Variants in KLF15 observed in about 807,000 individuals in gnomAD.
The protein encoded by KLF15 is Krueppel-like factor 15.
In KLF15, 4 loss-of-function variants were observed where a neutral mutation model predicts 24.6. The observed-to-expected ratio is 0.16, with a 90% CI of 0.08 to 0.37. The LOEUF (loss-of-function observed/expected upper bound fraction) is 0.37. Among genes scored for constraint, KLF15 ranks in the 10% least tolerant of loss-of-function variants. KLF15 has a pLI of 1.00. For synonymous variants in KLF15, 246 were observed against 236.3 expected, an observed-to-expected ratio of 1.04 and a Z score of -0.37; for missense variants, 496 against 560.6, an observed-to-expected ratio of 0.88 and a Z score of 1.16.
In KLF15 at chr3:126,352,164, G is replaced by A; in HGVS notation, c.759C>T (p.Val253=). ...GTGCGAAGGTCTGCCCCTGGATGTTGACCAGGAGCTGGGCAACCTTGACAT... is the reference window on the plus strand; with the variant it reads ...GTGCGAAGGTCTGCCCCTGGATGTTAACCAGGAGCTGGGCAACCTTGACAT... The part of the protein sequence containing the change: ...PENVKVAQLL[V]NIQGQTFALV... The change falls in exon 2 of 3, where the codon GTC becomes GTT. Residue 253 remains valine (V), a synonymous_variant. Transcript: ENST00000296233. 1.3e-6 allele frequency: 2 copies of A among 1,575,218 alleles called. No individual in the cohort carries two copies. The highest frequency in any genetic ancestry group is 2.4e-5 in the South Asian group (2 of 84,586).
At chr3:126,292,981 G>A in the KLF15 span, among the ~76,000 whole-genome samples, 1 of 151,974 alleles carries the variant, frequency 6.6e-6, no homozygotes, top group Non-Finnish European at 1.5e-5. Flanking sequence ...TGGAGGCAGA[G>A]CAAACAGGAG....
At chr3:126,325,050 A>C in the KLF15 span, among the ~76,000 whole-genome samples, 2 of 90,714 alleles carry the variant, frequency 2.2e-5, no homozygotes, top group Admixed American at 1.4e-4. Context: ...ATGAGTGAGA[A>C]TATGCGGTGT....
the KLF15 span, among the ~76,000 whole-genome samples, chr3:126,327,644 G>A: frequency 1.3e-5 from 2 of 152,166 alleles, no homozygotes; most frequent in Admixed American, 1.3e-4. Flanking sequence ...GGGCATTGTT[G>A]TCAAGGATGC....
the KLF15 span, among the ~76,000 whole-genome samples, chr3:126,332,300 A>T: frequency 6.7e-6 from 1 of 148,594 alleles, no homozygotes; most frequent in Non-Finnish European, 1.5e-5. Flanking sequence ...GGCACCCCCC[A>T]GCAGGGGCAC....
downstream of KLF15, among the ~76,000 whole-genome samples, chr3:126,340,201 G>A (rs1447297548): frequency 6.6e-6 from 1 of 152,266 alleles, no homozygotes; most frequent in Admixed American, 6.5e-5. Context: ...CCTGCAACAT[G>A]TGCCCCACAT....
At chr3:126,303,195 A>G in the KLF15 span, among the ~76,000 whole-genome samples, 1 of 152,078 alleles carries the variant, frequency 6.6e-6, no homozygotes, top group South Asian at 2.1e-4. Flanking sequence ...GATTCAGATA[A>G]TAAGAAAGAA....
In KLF15 at chr3:126,356,805, CT is replaced by C. The variant is rs1015582661; in HGVS notation, c.-26+431del. On this transcript the variant is annotated intron_variant, in intron 1 of 2. Transcript: ENST00000296233. This position sits in a 1 kb window ranked among gnomAD's most constrained non-coding sequence, Gnocchi z 4.4. ...CCATGCCCTCGTCCCACGCCCCCCC[CT>C]TGCCCCCGACACTGCTGCGGTGACC... is the stretch of plus-strand genomic sequence containing the variant. Among the ~76,000 whole-genome samples the C allele has an allele frequency of 6.6e-6, 1 of 152,078 alleles. No homozygotes were observed. Among genetic ancestry groups the C allele is most frequent in the African/African-American group, 2.4e-5 (1 of 41,526 alleles).
chr3:126,340,210 A>G (rs776637138), downstream of KLF15, among the ~76,000 whole-genome samples: 1 of 152,250 alleles, frequency 6.6e-6, no homozygotes, highest in Non-Finnish European at 1.5e-5. Context: ...TGTGCCCCAC[A>G]TTCCAGCTGT....
downstream of KLF15, among the ~76,000 whole-genome samples, chr3:126,339,737 G>A (rs969671643): frequency 1.3e-5 from 2 of 152,112 alleles, no homozygotes; most frequent in African/African-American, 4.8e-5. Flanking sequence ...TTTCCTGGAA[G>A]CCCTGGTCCT....
the KLF15 span, among the ~76,000 whole-genome samples, chr3:126,335,289 A>G: frequency 6.8e-6 from 1 of 146,576 alleles, no homozygotes; most frequent in Non-Finnish European, 1.5e-5. Context: ...CAATAAATGT[A>G]ATCCAGCATA....
the KLF15 span, among the ~76,000 whole-genome samples, chr3:126,337,499 C>T: frequency 1.4e-5 from 2 of 147,062 alleles, no homozygotes; most frequent in East Asian, 2.0e-4. Context: ...GTGGGTGCAG[C>T]GCACCAGCAT....
chr3:126,339,084 G>A (rs1003565619), downstream of KLF15, among the ~76,000 whole-genome samples: 1 of 152,202 alleles, frequency 6.6e-6, no homozygotes, highest in Non-Finnish European at 1.5e-5. Flanking sequence ...GACAGTGGGG[G>A]ACTGGTCACT....
chr3:126,296,506 T>C, the KLF15 span, among the ~76,000 whole-genome samples: 14 of 152,240 alleles, frequency 9.2e-5, no homozygotes, highest in African/African-American at 3.4e-4. Flanking sequence ...CACGCCAGAC[T>C]GCAACATACA....
At chr3:126,339,491 G>C (rs2082463502), downstream of KLF15, among the ~76,000 whole-genome samples, 1 of 152,172 alleles carries the variant, frequency 6.6e-6, no homozygotes, top group Non-Finnish European at 1.5e-5. Context: ...AGGAGTGTTT[G>C]AATGCTGCTC....
At chr3:126,318,990 C>T in the KLF15 span, among the ~76,000 whole-genome samples, 1 of 152,238 alleles carries the variant, frequency 6.6e-6, no homozygotes, top group Non-Finnish European at 1.5e-5. Context: ...CTGGAAACCA[C>T]TGATCTGTTT....
chr3:126,312,730 G>T, the KLF15 span, among the ~76,000 whole-genome samples: 3 of 152,194 alleles, frequency 2.0e-5, no homozygotes, highest in Non-Finnish European at 4.4e-5. Context: ...CAGCCTGAGG[G>T]CTTCAACAGA....
At chr3:126,347,512 C>T (rs952719062) in intron 2 of KLF15, among the ~76,000 whole-genome samples, 6 of 152,222 alleles carry the variant, frequency 3.9e-5, no homozygotes, top group Non-Finnish European at 5.9e-5. Context: ...AAGTACCCAC[C>T]CTACAGGCTG....
the KLF15 span, among the ~76,000 whole-genome samples, chr3:126,308,856 ACGG>A: frequency 6.6e-6 from 1 of 152,224 alleles, no homozygotes; most frequent in Admixed American, 6.5e-5. Flanking sequence ...CACTGGCCTC[ACGG>A]CAGGACAGCT....
At chr3:126,299,293 T>C in the KLF15 span, among the ~76,000 whole-genome samples, 1 of 152,076 alleles carries the variant, frequency 6.6e-6, no homozygotes, top group Non-Finnish European at 1.5e-5. Flanking sequence ...CTTGATTTGA[T>C]TCTCAGCTTG....
Sources: allele counts gnomAD v4.1 joint callset (sites outside exome capture counted in the v4.1 genomes callset), GRCh38; gene constraint gnomAD v4.1.1; non-coding constraint Gnocchi (gnomAD v3.1); transcripts MANE v1.5; gene names NCBI Gene and HGNC (gene_info 2026-07-23, HGNC 2026-07-21).